Variants in KALRN observed in about 807,000 individuals in gnomAD.
The protein encoded by KALRN is kalirin.
Under a neutral mutation model 353.7 loss-of-function variants are expected in KALRN, and 70 were observed. That is an observed-to-expected ratio of 0.20 (90% CI 0.16 to 0.24). The LOEUF (loss-of-function observed/expected upper bound fraction) is 0.24, where lower values mean the gene tolerates loss of function less well. Ranked by LOEUF, KALRN falls within the 10% of genes least tolerant of loss-of-function variation. KALRN has a pLI of 1.00. For synonymous variants in KALRN, 1,391 were observed against 1,434.8 expected, an observed-to-expected ratio of 0.97 and a Z score of 0.69; for missense variants, 2,791 against 3,756.7, an observed-to-expected ratio of 0.74 and a Z score of 6.72.
chr3:124,256,546 G>GGAT (rs1290304312), intron 3 of KALRN, among the ~76,000 whole-genome samples: 1 of 152,112 alleles, frequency 6.6e-6, no homozygotes, highest in Non-Finnish European at 1.5e-5. Context: ...CCACTTTGGG[G>GGAT]GATTGTCTTC....
chr3:124,147,368 A>G (rs2067497892), intron 1 of KALRN, among the ~76,000 whole-genome samples: 1 of 152,098 alleles, frequency 6.6e-6, no homozygotes, highest in East Asian at 1.9e-4. Flanking sequence ...CTAGGGAGAG[A>G]CAGAGTGTGG....
intron 9 of KALRN, among the ~76,000 whole-genome samples, chr3:124,341,743 G>A (rs2081744138): frequency 6.6e-6 from 1 of 152,156 alleles, no homozygotes; most frequent in African/African-American, 2.4e-5. Context: ...CAAAGAGGTT[G>A]GAGTCTAGTG....
At chr3:124,459,690 A>G (rs2059667829) in intron 23 of KALRN, among the ~76,000 whole-genome samples, 1 of 152,166 alleles carries the variant, frequency 6.6e-6, no homozygotes, top group Non-Finnish European at 1.5e-5. Context: ...ACATATCTAG[A>G]GATTTCTGGA....
chr3:124,424,927 G>T (rs373153249), intron 15 of KALRN, among the ~76,000 whole-genome samples: 228 of 152,268 alleles, frequency 1.5e-3, no homozygotes, highest in African/African-American at 5.1e-3. Flanking sequence ...CTTCAGCCTA[G>T]GCCTCCTAAA....
intron 53 of KALRN, among the ~76,000 whole-genome samples, chr3:124,695,479 G>A (rs1247540781): frequency 1.3e-5 from 2 of 152,208 alleles, no homozygotes; most frequent in Non-Finnish European, 2.9e-5. Flanking sequence ...GAAGCCTAGT[G>A]TGAGACGCAG....
At chr3:124,544,368 C>G (rs537369456) in intron 33 of KALRN, among the ~76,000 whole-genome samples, 1 of 152,284 alleles carries the variant, frequency 6.6e-6, no homozygotes, top group East Asian at 1.9e-4. Flanking sequence ...CGAGACCAGC[C>G]TAGCCAACAT....
intron 3 of KALRN, among the ~76,000 whole-genome samples, chr3:124,242,716 A>T (rs116503225): frequency 2.1e-4 from 32 of 152,242 alleles, no homozygotes; most frequent in African/African-American, 7.5e-4. Flanking sequence ...ACAGGTGGTA[A>T]TTACCTCAGT....
At chr3:124,236,145 GT>G (rs1012616844) in intron 3 of KALRN, among the ~76,000 whole-genome samples, 104 of 137,168 alleles carry the variant, frequency 7.6e-4, no homozygotes, top group East Asian at 1.3e-3. Context: ...AATAGTGTCT[GT>G]TTTTTTTTTT....
At chr3:124,299,214 G>A (rs1388243763) in intron 6 of KALRN, among the ~76,000 whole-genome samples, 2 of 152,190 alleles carry the variant, frequency 1.3e-5, no homozygotes, top group African/African-American at 4.8e-5. Context: ...CACTGACTTA[G>A]CCAACGTTTT....
chr3:124,647,937 C>T lies in KALRN; in HGVS notation c.5665-2871C>T, dbSNP rs574846332. Among the ~76,000 whole-genome samples, 22 of 152,320 alleles carry T rather than the reference C, an allele frequency of 1.4e-4. 1 individual carries two copies. In the East Asian group the frequency reaches 2.9e-3, roughly 20 times the overall value. ...TTGAATCTATTTGCATTTCTATTCC[C>T]CATCCTTGGATTGACTATGGGAACA... On this transcript the variant is annotated intron_variant, in intron 37 of 59. Coordinates refer to ENST00000682506, the MANE Select transcript of KALRN (RefSeq NM_001388419.1).
intron 6 of KALRN, among the ~76,000 whole-genome samples, chr3:124,320,616 G>C (rs898554738): frequency 1.3e-5 from 2 of 152,194 alleles, no homozygotes; most frequent in African/African-American, 4.8e-5. Flanking sequence ...TGAGCGCTCT[G>C]GATGTGGCTA....
intron 1 of KALRN, among the ~76,000 whole-genome samples, chr3:124,048,978 A>AACT (rs2149132174): frequency 6.6e-6 from 1 of 152,348 alleles, no homozygotes; most frequent in Admixed American, 6.5e-5. Context: ...ACTGTAGGAC[A>AACT]ACTGTAGGTT....
chr3:124,078,388 A>G (rs150594181), intron 1 of KALRN, among the ~76,000 whole-genome samples: 2 of 152,330 alleles, frequency 1.3e-5, no homozygotes, highest in Admixed American at 6.5e-5. Flanking sequence ...TAATGTATTT[A>G]TAATAGCCTC....
At chr3:124,299,886 C>T (rs1282236118) in intron 6 of KALRN, among the ~76,000 whole-genome samples, 1 of 152,146 alleles carries the variant, frequency 6.6e-6, no homozygotes, top group Non-Finnish European at 1.5e-5. Context: ...TCTTTGAAGC[C>T]ATTGTATTTC....
chr3:124,215,796 A>G (rs2077274690), intron 1 of KALRN, among the ~76,000 whole-genome samples: 2 of 152,148 alleles, frequency 1.3e-5, no homozygotes, highest in Admixed American at 6.5e-5. Context: ...AGAAGACAGC[A>G]TGATGAGCAA....
At chr3:124,274,083 T>A (rs1431422488) in intron 5 of KALRN, among the ~76,000 whole-genome samples, 1 of 152,238 alleles carries the variant, frequency 6.6e-6, no homozygotes, top group South Asian at 2.1e-4. Flanking sequence ...TCATTGTAGA[T>A]GTGCCTTTGG....
intron 10 of KALRN, among the ~76,000 whole-genome samples, chr3:124,372,301 A>G (rs1017299716): frequency 2.0e-5 from 3 of 152,208 alleles, no homozygotes; most frequent in African/African-American, 4.8e-5. Flanking sequence ...AAGCAAGGAA[A>G]TAGTGGAAAA....
In KALRN at chr3:124,491,359, G is replaced by A. The variant is rs868845385; in HGVS notation, c.4624G>A (p.Asp1542Asn). ...ELGVTEHVEG[D>N]PCKFALWSGR... ...GGGTGTGACCGAGCACGTGGAGGGCGATCCCTGCAAATTCGCCTTGTGGTC... is the reference window on the plus strand; with the variant it reads ...GGGTGTGACCGAGCACGTGGAGGGCAATCCCTGCAAATTCGCCTTGTGGTC... Residue 1542 changes from aspartate to asparagine, a missense_variant, in exon 31 of 60, where the codon GAT becomes AAT. Around this residue, in one of 11 missense-constraint regions of KALRN, gnomAD observed 239 missense variants for 351.3 expected, o/e 0.68. Transcript: ENST00000682506. The A allele has an allele frequency of 1.2e-6, 2 of 1,608,984 alleles. No homozygotes were observed. The highest frequency in any genetic ancestry group is 1.7e-6 in the Non-Finnish European group (2 of 1,177,402).
At chr3:124,700,307 A>C (rs929391719) in intron 56 of KALRN, among the ~76,000 whole-genome samples, 9 of 152,070 alleles carry the variant, frequency 5.9e-5, no homozygotes, top group South Asian at 4.1e-4. Flanking sequence ...AGTCCTGTGG[A>C]TGTTCTCTGC....
Sources: allele counts gnomAD v4.1 joint callset (sites outside exome capture counted in the v4.1 genomes callset), GRCh38; gene constraint gnomAD v4.1.1; regional missense constraint gnomAD v4.1.1; transcripts MANE v1.5; gene names NCBI Gene and HGNC (gene_info 2026-07-23, HGNC 2026-07-21).